Variants in MYO15B observed in about 807,000 individuals in gnomAD.
MYO15B encodes myosin XVB pseudogene.
MYO15B carries 207 observed loss-of-function variants against 119.3 expected under a neutral mutation model. The observed-to-expected ratio is 1.73, with a 90% CI of 1.55 to 1.95. The LOEUF (loss-of-function observed/expected upper bound fraction) is 1.95. Among genes scored for constraint, MYO15B ranks in the 30% most tolerant of loss-of-function variants. The probability of loss-of-function intolerance (pLI) is 0.00; values close to 1 mark genes in which losing one functional copy is unlikely to be tolerated. For synonymous variants in MYO15B, 966 were observed against 498.9 expected, an observed-to-expected ratio of 1.94 and a Z score of -12.48; for missense variants, 2,264 against 1,203.1, an observed-to-expected ratio of 1.88 and a Z score of -13.04.
intron 9 of MYO15B, among the ~76,000 whole-genome samples, chr17:75,594,104 AG>A (rs1271010722): frequency 8.6e-4 from 34 of 39,754 alleles, no homozygotes; most frequent in South Asian, 2.8e-3. Flanking sequence ...AAAAAAAAAA[AG>A]AAAAAAAAAA....
rs2058709394 is a variant in MYO15B, at chr17:75,621,485, C to T, written c.7936-16C>T. On this transcript the variant is annotated splice_polypyrimidine_tract_variant and intron_variant, in intron 51 of 63. Transcript: ENST00000645453. Reference sequence around the variant, plus strand: ...CACGGCCCCCCAGACCCATGGCCTCCTCTCTTTGGCCACAGGCTCCCATCC... The same window carrying T: ...CACGGCCCCCCAGACCCATGGCCTCTTCTCTTTGGCCACAGGCTCCCATCC... 1 of 701,412 alleles carries T rather than the reference C, an allele frequency of 1.4e-6. No individual in the cohort carries two copies. Among genetic ancestry groups the T allele is most frequent in the Admixed American group, 2.0e-5 (1 of 49,986 alleles). 43.4% of individuals were successfully genotyped at this position (701,412 alleles called of 1,614,324 possible). A position where few individuals can be genotyped will look rare whatever the true frequency, so the allele number is the denominator to read the frequency against.
chr17:75,622,145 C>T, intron 53 of MYO15B, 65 bp downstream of exon 53: 1 of 693,332 alleles, frequency 1.4e-6, no homozygotes, highest in Non-Finnish European at 2.6e-6. Flanking sequence ...TGAAGGAGAT[C>T]CCCTTCTCTT....
At chr17:75,616,407 G>GAGGAGGAGGAGGAGGAGGAGC in exon 38 of MYO15B, 4 of 625,236 alleles carry the variant, frequency 6.4e-6, no homozygotes, top group Non-Finnish European at 1.1e-5. Context: ...GGAGGAGGAG[G>GAGGAGGAGGAGGAGGAGGAGC]AGGAGGAGCA....
Position 75,619,240 on chromosome 17 carries a change from A to G in MYO15B, c.7063+22A>G, listed in dbSNP as rs761616144. The G allele has an allele frequency of 2.4e-5, 17 of 702,622 alleles. No individual in the cohort carries two copies. The East Asian group carries it at 4.3e-4, about 18-fold the overall frequency. 43.5% of individuals were successfully genotyped at this position (702,622 alleles called of 1,614,324 possible). A position where few individuals can be genotyped will look rare whatever the true frequency, so the allele number is the denominator to read the frequency against. On this transcript the variant is annotated intron_variant, in intron 44 of 63. Transcript: ENST00000645453. ...CTGGGTATGGGTCCAGGGACCATGG[A>G]GTTGGGAGCTTGAGTGCTGGGGGCC...
Position 75,614,187 on chromosome 17 carries a change from C to T in MYO15B, c.5220-12C>T. 1.4e-6 allele frequency: 1 copy of T among 701,810 alleles called. No homozygotes were observed. The highest frequency in any genetic ancestry group is 1.5e-5 in the South Asian group (1 of 67,494). 43.5% of individuals were successfully genotyped at this position (701,810 alleles called of 1,614,324 possible). On this transcript the variant is annotated splice_polypyrimidine_tract_variant and intron_variant, in intron 29 of 63. Transcript: ENST00000645453. ...GGCCGCCTGCCTCACTGACTGGTCC[C>T]CTCCCACCCAGAGGCCTGGAGGCGC... is the stretch of plus-strand genomic sequence containing the variant.
At position 75,623,932 on chromosome 17, in the gene MYO15B, A is replaced by C; in HGVS notation, c.8157-17A>C. The C allele has an allele frequency of 1.4e-6, 1 of 702,900 alleles. No individual in the cohort carries two copies. The highest frequency in any genetic ancestry group is 2.7e-5 in the East Asian group (1 of 37,288). The allele number at this position is 702,900 out of a possible 1,614,324, so 43.5% of individuals were successfully genotyped here. On this transcript the variant is annotated splice_polypyrimidine_tract_variant and intron_variant, in intron 54 of 63. Transcript: ENST00000645453. Reference sequence around the variant, plus strand: ...TGTGGCCTGGCCAGCCTGAAGCCCGAGCGCTCTGCCCTGCAGGGAACACTG... The same window carrying C: ...TGTGGCCTGGCCAGCCTGAAGCCCGCGCGCTCTGCCCTGCAGGGAACACTG...
exon 51 of MYO15B, chr17:75,621,365 G>A (rs1198391506): frequency 2.9e-6 from 2 of 701,216 alleles, no homozygotes. Context: ...ACTGATGGAG[G>A]TGCCGCAGGA....
Position 75,619,950 on chromosome 17 carries a change from TGGTGCTGCACACAG to T in MYO15B, c.7374_7387del (p.Val2459ProfsTer10), listed in dbSNP as rs1222136744. ...GAGCTGTCACTGAAGAGCGAGCAGC[TGGTGCTGCACACAG>T]CCCGGGCAAGGGCCATCGAGGCGCT... On this transcript the variant is annotated frameshift_variant, in exon 47 of 64. Coordinates refer to ENST00000645453, the Ensembl canonical transcript of MYO15B. LOFTEE classifies it high-confidence loss of function. 8.5e-6 allele frequency: 6 copies of T among 702,700 alleles called. No homozygotes were observed. The highest frequency in any genetic ancestry group is 1.6e-5 in the Non-Finnish European group (6 of 384,962). 43.5% of individuals were successfully genotyped at this position (702,700 alleles called of 1,614,324 possible). A position where few individuals can be genotyped will look rare whatever the true frequency, so the allele number is the denominator to read the frequency against.
rs1598833481 is a variant in MYO15B at position 75,610,059 on chromosome 17, T to C, written c.4293-107T>C. 5.5e-6 allele frequency: 3 copies of C among 549,366 alleles called. No individual in the cohort carries two copies. In the South Asian group the frequency reaches 6.8e-5, roughly 13 times the overall value. 34.0% of individuals were successfully genotyped at this position (549,366 alleles called of 1,614,324 possible). A position where few individuals can be genotyped will look rare whatever the true frequency, so the allele number is the denominator to read the frequency against. ...TGTGAAGCATCCAGGGCTTCTCTGG[T>C]CCAAAGTCAGTTTTTACATGAATGT... On this transcript the variant is annotated intron_variant, in intron 21 of 63. Transcript: ENST00000645453.
intron 43 of MYO15B, among the ~76,000 whole-genome samples, chr17:75,618,721 T>C (rs1391473589): frequency 6.6e-6 from 1 of 152,216 alleles, no homozygotes; most frequent in African/African-American, 2.4e-5. Flanking sequence ...GTGCGTACAG[T>C]GCACAACACA....
exon 39 of MYO15B, chr17:75,616,774 G>A (rs1288141122): frequency 1.4e-6 from 1 of 702,914 alleles, no homozygotes; most frequent in African/African-American, 1.7e-5. Context: ...CTGTGCCCGT[G>A]CAGCCATCCA....
chr17:75,601,660 G>A, intron 15 of MYO15B, 97 bp downstream of exon 15: 1 of 648,422 alleles, frequency 1.5e-6, no homozygotes, highest in Non-Finnish European at 2.8e-6. Flanking sequence ...GGTGTGGGGA[G>A]GCCCCTTGCA....
chr17:75,594,013 C>T (rs1356077322), intron 9 of MYO15B, among the ~76,000 whole-genome samples: 4 of 148,624 alleles, frequency 2.7e-5, no homozygotes, highest in African/African-American at 1.0e-4. Context: ...TTACCTGATC[C>T]TGGGAGGTGG....
At chr17:75,613,045 G>A in exon 27 of MYO15B, 1 of 700,790 alleles carries the variant, frequency 1.4e-6, no homozygotes, top group African/African-American at 1.7e-5. Context: ...ACCTGGTGCG[G>A]CAGGGGCAGT....
At chr17:75,622,579 C>T (rs1378237407) in intron 53 of MYO15B, among the ~76,000 whole-genome samples, 2 of 152,178 alleles carry the variant, frequency 1.3e-5, no homozygotes, top group Non-Finnish European at 1.5e-5. Context: ...GATGGGAAAC[C>T]ACCAGAGGAT....
At chr17:75,615,932 G>A (rs749142036) in intron 36 of MYO15B, 48 bp downstream of exon 36, 2 of 618,364 alleles carry the variant, frequency 3.2e-6, no homozygotes, top group African/African-American at 1.8e-5. Flanking sequence ...GGTGGGGACT[G>A]CAGGGGCAGG....
At chr17:75,617,327 C>T (rs752770042) in intron 41 of MYO15B, 23 bp downstream of exon 41, 13 of 607,654 alleles carry the variant, frequency 2.1e-5, no homozygotes, top group African/African-American at 9.3e-5. Context: ...ATTTCTCCTG[C>T]GCCGTGGGCT....
In MYO15B at chr17:75,587,963, G is replaced by A. The variant is rs988233213; in HGVS notation, c.-95G>A. On this transcript the variant is annotated 5_prime_UTR_variant, in exon 1 of 64. In the 5' UTR this introduces an upstream ATG that the reference lacks. Coordinates refer to ENST00000645453, the Ensembl canonical transcript of MYO15B. ...GTAGCCCCTGCGAGAGCAGAGCCGG[G>A]TGGTGCACTGCACAGAAGGTCACCG... 1.0e-5 allele frequency: 4 copies of A among 397,170 alleles called. No individual in the cohort carries two copies. The highest frequency in any genetic ancestry group is 1.3e-5 in the Non-Finnish European group (3 of 225,190). 24.6% of individuals were successfully genotyped at this position (397,170 alleles called of 1,614,324 possible).
At chr17:75,590,788 C>A (rs1425603956) in intron 2 of MYO15B, 99 bp downstream of exon 2, 5 of 193,270 alleles carry the variant, frequency 2.6e-5, no homozygotes, top group Non-Finnish European at 2.1e-5. Context: ...TCCTCTTCCT[C>A]CCCGGGCTAG....
Sources: gnomAD v4.1 joint callset for allele counts (sites outside exome capture counted in the v4.1 genomes callset) on GRCh38, gnomAD v4.1.1 for gene constraint, MANE v1.5 for transcripts, NCBI Gene and HGNC (gene_info 2026-07-23, HGNC 2026-07-21) for gene names.